The following JAKMIP1 variants were observed in gnomAD, a reference collection of about 807,000 sequenced individuals.
JAKMIP1 encodes the protein janus kinase and microtubule-interacting protein 1.
JAKMIP1 carries 33 observed loss-of-function variants against 113.0 expected under a neutral mutation model. The observed-to-expected ratio is 0.29, with a 90% CI of 0.22 to 0.39. The LOEUF (loss-of-function observed/expected upper bound fraction) is 0.39. JAKMIP1 is among the 10% of genes least tolerant of loss of function. JAKMIP1 has a pLI of 1.00. For missense variants in JAKMIP1, 813 were observed against 1,080.5 expected (o/e 0.75, Z 3.47); for synonymous variants, 480 against 459.9 (o/e 1.04, Z -0.56).
intron 18 of JAKMIP1, among the ~76,000 whole-genome samples, chr4:6,038,615 G>A (rs1701622528): frequency 6.6e-6 from 1 of 152,250 alleles, no homozygotes; most frequent in South Asian, 2.1e-4. Flanking sequence ...GCTTCTCCCT[G>A]CTGGGATCCA....
chr4:6,098,579 A>G (rs376683269), intron 3 of JAKMIP1, among the ~76,000 whole-genome samples: 32 of 107,226 alleles, frequency 3.0e-4, no homozygotes, highest in Non-Finnish European at 4.6e-4. Context: ...AGAAAGAAAG[A>G]AAGAAGGAAA....
intron 1 of JAKMIP1, among the ~76,000 whole-genome samples, chr4:6,198,434 G>A (rs1728079286): frequency 6.6e-6 from 1 of 152,170 alleles, no homozygotes; most frequent in Non-Finnish European, 1.5e-5. Flanking sequence ...ATGGGCTGGG[G>A]AAGCCAGGAT....
At position 6,105,928 on chromosome 4, in the gene JAKMIP1, C is replaced by G; in HGVS notation, c.169G>C (p.Glu57Gln). The part of the protein sequence containing the change: ...LRERLQEAKL[E>Q]REQEQRRHTA... ...TGCCGTCGCTGCTCCTGCTCGCGCT[C>G]CAGCTTCGCCTCCTGCAGCCGCTCG... Residue 57 changes from glutamate to glutamine, a missense_variant, in exon 3 of 21, where the codon GAG becomes CAG. Coordinates refer to ENST00000409021, the MANE Select transcript of JAKMIP1 (RefSeq NM_001099433.2). 4.3e-6 allele frequency: 7 copies of G among 1,609,520 alleles called. No individual in the cohort carries two copies. The highest frequency in any genetic ancestry group is 5.9e-6 in the Non-Finnish European group (7 of 1,178,724).
intron 1 of JAKMIP1, among the ~76,000 whole-genome samples, chr4:6,133,738 G>A (rs1718845327): frequency 6.6e-6 from 1 of 152,210 alleles, no homozygotes; most frequent in Non-Finnish European, 1.5e-5. Flanking sequence ...CGGTGTCCTT[G>A]GCAAATCTGC....
intron 1 of JAKMIP1, among the ~76,000 whole-genome samples, chr4:6,160,196 A>C (rs1722739591): frequency 6.6e-6 from 1 of 152,136 alleles, no homozygotes; most frequent in Non-Finnish European, 1.5e-5. Flanking sequence ...AGAGAGAAAA[A>C]CATCAAGGGC....
chr4:6,029,573 T>G, intron 20 of JAKMIP1, 143 bp downstream of exon 20: 48 of 632,738 alleles, frequency 7.6e-5, no homozygotes, highest in Non-Finnish European at 1.0e-4. Context: ...GCGATTTCCA[T>G]GAGATGCTGA....
At chr4:6,034,023 TCTCC>T (rs1713077054) in intron 19 of JAKMIP1, among the ~76,000 whole-genome samples, 1 of 151,858 alleles carries the variant, frequency 6.6e-6, no homozygotes, top group African/African-American at 2.4e-5. Flanking sequence ...TGCCTTCATC[TCTCC>T]CTCTGTTTAA....
rs557335041 is a variant in JAKMIP1 at position 6,147,224 on chromosome 4, A to G, written c.-147-34227T>C. ...TGATCCACCTGCCTCAGCCTCCCAA[A>G]GTGCTGGGAACAGAGGTGTGAGCCA... On this transcript the variant is annotated intron_variant, in intron 1 of 20. Transcript: ENST00000409021. Among the ~76,000 whole-genome samples, 359 of 152,310 alleles carry G rather than the reference A, an allele frequency of 2.4e-3. 1 individual carries two copies. The highest frequency in any genetic ancestry group is 4.1e-3 in the Non-Finnish European group (281 of 68,022).
chr4:6,032,665 A>C (rs749413111), intron 19 of JAKMIP1, among the ~76,000 whole-genome samples: 22 of 11,530 alleles, frequency 1.9e-3, no homozygotes, highest in African/African-American at 0.013. Context: ...CACAACACAA[A>C]ACAAAACAAA....
intron 2 of JAKMIP1, among the ~76,000 whole-genome samples, chr4:6,111,920 A>T (rs1715000039): frequency 6.6e-6 from 1 of 152,208 alleles, no homozygotes; most frequent in Non-Finnish European, 1.5e-5. Context: ...AGCATAAACC[A>T]AAAATAAACT....
At position 6,061,311 on chromosome 4, in the gene JAKMIP1, G is replaced by A. The variant is rs1347326024; in HGVS notation, c.1561-804C>T. Among the ~76,000 whole-genome samples, 1 of 152,166 alleles carries A rather than the reference G, an allele frequency of 6.6e-6. No individual in the cohort carries two copies. The highest frequency in any genetic ancestry group is 2.4e-5 in the African/African-American group (1 of 41,446). ...AGATGACAAAGACTGGGCCTTTTATGGTGGGACAAGCAGCTTCCCTCCCTG... is the reference window on the plus strand; with the variant it reads ...AGATGACAAAGACTGGGCCTTTTATAGTGGGACAAGCAGCTTCCCTCCCTG... On this transcript the variant is annotated intron_variant, in intron 10 of 20. Coordinates refer to ENST00000409021, the MANE Select transcript of JAKMIP1 (RefSeq NM_001099433.2). The surrounding 1 kb of genome is among the most constrained non-coding windows in gnomAD (Gnocchi z 5.3).
At chr4:6,039,704 C>T (rs1714062746) in intron 18 of JAKMIP1, among the ~76,000 whole-genome samples, 1 of 152,176 alleles carries the variant, frequency 6.6e-6, no homozygotes, top group African/African-American at 2.4e-5. Context: ...TGCTCCTAGT[C>T]TCAAGGGATT....
At position 6,076,438 on chromosome 4, in the gene JAKMIP1, A is replaced by G. The variant is rs1719707191; in HGVS notation, c.1302+2501T>C. ...ATGTCTTCTGTAGCTGTAAAATTGA[A>G]AAAATAATACCAACTATATGGGGTG... is the stretch of plus-strand genomic sequence containing the variant. On this transcript the variant is annotated intron_variant, in intron 8 of 20. Transcript: ENST00000409021. This position sits in a 1 kb window ranked among gnomAD's most constrained non-coding sequence, Gnocchi z 4.8. Among the ~76,000 whole-genome samples the G allele has an allele frequency of 6.6e-6, 1 of 152,162 alleles. No individual in the cohort carries two copies. Among genetic ancestry groups the G allele is most frequent in the Admixed American group, 6.5e-5 (1 of 15,280 alleles).
At chr4:6,191,500 A>G (rs1727255701) in intron 1 of JAKMIP1, among the ~76,000 whole-genome samples, 1 of 152,258 alleles carries the variant, frequency 6.6e-6, no homozygotes, top group South Asian at 2.1e-4. Flanking sequence ...CGCAGCGCAC[A>G]AGGTGGCCCT....
rs1180882773 is a variant in JAKMIP1, at chr4:6,179,248, C to T, written c.-148+21005G>A. ...GATTCTCATCTCAAAGCCCCAGATTCACTAACTCTAACCCCTAAATGACTG... is the reference window on the plus strand; with the variant it reads ...GATTCTCATCTCAAAGCCCCAGATTTACTAACTCTAACCCCTAAATGACTG... On this transcript the variant is annotated intron_variant, in intron 1 of 20. Coordinates refer to ENST00000409021, the MANE Select transcript of JAKMIP1 (RefSeq NM_001099433.2). This position sits in a 1 kb window ranked among gnomAD's most constrained non-coding sequence, Gnocchi z 4.5. 6.6e-6 allele frequency among the ~76,000 whole-genome samples: 1 copy of T among 152,196 alleles called. No homozygotes were observed. Among genetic ancestry groups the T allele is most frequent in the African/African-American group, 2.4e-5 (1 of 41,436 alleles).
rs1401929466 is a variant in JAKMIP1, at chr4:6,186,150, C to G, written c.-148+14103G>C. Among the ~76,000 whole-genome samples the G allele has an allele frequency of 6.6e-6, 1 of 152,126 alleles. No individual in the cohort carries two copies. Among genetic ancestry groups the G allele is most frequent in the Non-Finnish European group, 1.5e-5 (1 of 68,028 alleles). Reference sequence around the variant, plus strand: ...ACTCCTAAGCAGGGAAAGCTCCCAGCTGAAGTGAGGGGAATGCAGGAACAG... The same window carrying G: ...ACTCCTAAGCAGGGAAAGCTCCCAGGTGAAGTGAGGGGAATGCAGGAACAG... On this transcript the variant is annotated intron_variant, in intron 1 of 20. Transcript: ENST00000409021. This position sits in a 1 kb window ranked among gnomAD's most constrained non-coding sequence, Gnocchi z 5.5.
In JAKMIP1 at chr4:6,155,944, G is replaced by C. The variant is rs1252920442; in HGVS notation, c.-147-42947C>G. On this transcript the variant is annotated intron_variant, in intron 1 of 20. Transcript: ENST00000409021. The surrounding 1 kb of genome is among the most constrained non-coding windows in gnomAD (Gnocchi z 6.1). Reference sequence around the variant, plus strand: ...CGGTAATGTGTGAGAACCGCTGCTGGGGATGAATATCTACTGCCACGGAAA... The same window carrying C: ...CGGTAATGTGTGAGAACCGCTGCTGCGGATGAATATCTACTGCCACGGAAA... Among the ~76,000 whole-genome samples, 2 of 152,170 alleles carry C rather than the reference G, an allele frequency of 1.3e-5. No individual in the cohort carries two copies. Among genetic ancestry groups the C allele is most frequent in the African/African-American group, 4.8e-5 (2 of 41,428 alleles).
intron 12 of JAKMIP1, 97 bp from the exon 13 acceptor site, chr4:6,054,245 G>A (rs1318762339): frequency 4.2e-6 from 5 of 1,203,708 alleles, no homozygotes; most frequent in Middle Eastern, 1.9e-4. Flanking sequence ...GGAAACAGAC[G>A]ACTGGCCACG....
chr4:6,068,120 C>T (rs1718433141), intron 8 of JAKMIP1, among the ~76,000 whole-genome samples: 1 of 152,194 alleles, frequency 6.6e-6, no homozygotes, highest in South Asian at 2.1e-4. Context: ...TGCAGGACTA[C>T]CAGTTAAAGA....
Sources: allele counts gnomAD v4.1 joint callset (sites outside exome capture counted in the v4.1 genomes callset), GRCh38; gene constraint gnomAD v4.1.1; non-coding constraint Gnocchi (gnomAD v3.1); transcripts MANE v1.5; gene names NCBI Gene and HGNC (gene_info 2026-07-23, HGNC 2026-07-21).